Variants in ACAD11 observed in about 807,000 individuals in gnomAD.
ACAD11 encodes the protein acyl-CoA dehydrogenase family member 11, also known as acyl-Coenzyme A dehydrogenase family, member 11.
Under a neutral mutation model 102.2 loss-of-function variants are expected in ACAD11, and 83 were observed. The observed-to-expected ratio is 0.81, with a 90% CI of 0.68 to 0.97. The LOEUF is 0.97. Ranked by LOEUF, ACAD11 falls within the 50% of genes least tolerant of loss-of-function variation. The pLI is 0.00. For synonymous variants in ACAD11, 324 were observed against 319.8 expected (o/e 1.01, Z -0.14); for missense variants, 901 against 951.7 (o/e 0.95, Z 0.70).
At chr3:132,647,055 CT>C (rs1357719888) in intron 1 of ACAD11, 1 of 152,136 alleles carries the variant, frequency 6.6e-6, no homozygotes, top group African/African-American at 2.4e-5. Context: ...GACTTGTACA[CT>C]TTAAAACGGT....
chr3:132,655,426 C>T (rs1937734704), intron 1 of ACAD11, among the ~76,000 whole-genome samples: 1 of 152,192 alleles, frequency 6.6e-6, no homozygotes, highest in South Asian at 2.1e-4. Flanking sequence ...TATTGCCTGA[C>T]AGGGTCCCTG....
rs139923778 is a variant in ACAD11, at chr3:132,649,213, G to A, written c.150-4317C>T. On this transcript the variant is annotated intron_variant, in intron 1 of 19. Transcript: ENST00000264990. ...CTGACCGTCCCCCAGCCCGACACCCGTAGGGGGTCTGTGCTGAGGAGGATT... is the reference window on the plus strand; with the variant it reads ...CTGACCGTCCCCCAGCCCGACACCCATAGGGGGTCTGTGCTGAGGAGGATT... Among the ~76,000 whole-genome samples, 257 of 152,342 alleles carry A rather than the reference G, an allele frequency of 1.7e-3. 1 individual carries two copies. Among genetic ancestry groups the A allele is most frequent in the Non-Finnish European group, 2.5e-3 (171 of 68,026 alleles).
chr3:132,612,281 A>C (rs545101783), intron 11 of ACAD11, among the ~76,000 whole-genome samples: 1 of 152,128 alleles, frequency 6.6e-6, no homozygotes, highest in African/African-American at 2.4e-5. Context: ...CCTAGAAGAA[A>C]ACCTAGGCAA....
In ACAD11 at chr3:132,561,331, A is replaced by G. The variant is rs779200253; in HGVS notation, c.2002-114T>C. On this transcript the variant is annotated intron_variant, in intron 17 of 19. Coordinates refer to ENST00000264990, the MANE Select transcript of ACAD11 (RefSeq NM_032169.5). Reference sequence around the variant, plus strand: ...ACACTCTCTAAGCCAGAGATTGTTCACAAGCTTTACTCTATGTATTTTTAA... The same window carrying G: ...ACACTCTCTAAGCCAGAGATTGTTCGCAAGCTTTACTCTATGTATTTTTAA... 9 of 768,692 alleles carry G rather than the reference A, an allele frequency of 1.2e-5. No individual in the cohort carries two copies. In the South Asian group the frequency reaches 1.3e-4, roughly 11 times the overall value. The allele number at this position is 768,692 out of a possible 1,614,324, so 47.6% of individuals were successfully genotyped here.
At chr3:132,614,816 T>C (rs908110619) in intron 11 of ACAD11, among the ~76,000 whole-genome samples, 1 of 152,052 alleles carries the variant, frequency 6.6e-6, no homozygotes, top group Non-Finnish European at 1.5e-5. Context: ...AAAGCCAAAA[T>C]AGACAAATAG....
intron 9 of ACAD11, among the ~76,000 whole-genome samples, chr3:132,625,252 G>A (rs955211920): frequency 6.6e-6 from 1 of 151,964 alleles, no homozygotes; most frequent in Non-Finnish European, 1.5e-5. Flanking sequence ...ATTATTCTAG[G>A]GGCTAATCCA....
chr3:132,652,351 T>G (rs892694047), intron 1 of ACAD11, among the ~76,000 whole-genome samples: 1 of 152,212 alleles, frequency 6.6e-6, no homozygotes, highest in Admixed American at 6.5e-5. Flanking sequence ...GAACTGTGAG[T>G]CCATTAAACC....
chr3:132,579,288 G>T, intron 14 of ACAD11: 1 of 619,680 alleles, frequency 1.6e-6, no homozygotes, highest in South Asian at 2.3e-5. Context: ...ATTCCACAGC[G>T]AAGAATGTTC....
chr3:132,582,967 A>C (rs997680748), intron 13 of ACAD11, among the ~76,000 whole-genome samples: 2 of 152,118 alleles, frequency 1.3e-5, no homozygotes, highest in African/African-American at 2.4e-5. Flanking sequence ...TTTTAACAAC[A>C]TGCATTACAT....
chr3:132,618,453 A>G lies in ACAD11; in HGVS notation c.1414+181T>C, dbSNP rs79955623. The G allele has an allele frequency of 1.6e-3, 963 of 590,816 alleles. 12 individuals are homozygous for G. Among genetic ancestry groups the G allele is most frequent in the African/African-American group, 0.016 (806 of 51,218 alleles). The allele number at this position is 590,816 out of a possible 1,614,324, so 36.6% of individuals were successfully genotyped here. On this transcript the variant is annotated intron_variant, in intron 11 of 19. Coordinates refer to ENST00000264990, the MANE Select transcript of ACAD11 (RefSeq NM_032169.5). ...AATTGTAATGATATTTAACAAAAGA[A>G]TAGTCCAATGAAAATTTCAAATCCA... is the stretch of plus-strand genomic sequence containing the variant.
Position 132,631,475 on chromosome 3 carries a change from C to A in ACAD11, c.707G>T (p.Arg236Leu). The change falls in exon 6 of 20, where the codon CGA becomes CTA. Residue 236 changes from arginine to leucine, a missense_variant. By Grantham distance (102) the Arg-to-Leu change is moderately radical. Transcript: ENST00000264990. ...CTCCCAATCCAGCACTGCTATAACT[C>A]GACACTGTAATTAAAAATAAAGAGG... ...DNIVFHPKEC[R>L]VIAVLDWELS... 6.8e-7 allele frequency: 1 copy of A among 1,469,762 alleles called. No individual in the cohort carries two copies. 91.0% of individuals were successfully genotyped at this position (1,469,762 alleles called of 1,614,324 possible).
rs745467475 is a variant in ACAD11 at position 132,559,872 on chromosome 3, C to T, written c.2189G>A (p.Gly730Glu). The T allele has an allele frequency of 1.9e-6, 3 of 1,613,706 alleles. No homozygotes were observed. The highest frequency in any genetic ancestry group is 1.6e-4 in the Middle Eastern group (1 of 6,062). Residue 730 changes from glycine to glutamate, a missense_variant, in exon 19 of 20, where the codon GGA becomes GAA. By Grantham distance (98) the Gly-to-Glu change is moderately conservative. Transcript: ENST00000264990. ...GTAATCCTGGGAAACACCAGCACCT[C>T]CGCACACCTGGATGGCCCAGTCAAC... ...KIVDWAIQVC[G>E]GAGVSQDYPL...
chr3:132,653,116 T>C (rs1937615878), intron 1 of ACAD11, among the ~76,000 whole-genome samples: 1 of 152,144 alleles, frequency 6.6e-6, no homozygotes, highest in African/African-American at 2.4e-5. Flanking sequence ...TACTGAAATA[T>C]CTATTCTTGC....
chr3:132,631,377 G>A lies in ACAD11; in HGVS notation c.805C>T (p.Pro269Ser), dbSNP rs758169571. The change falls in exon 6 of 20, where the codon CCA becomes TCA. Residue 269 changes from proline to serine, a missense_variant. Physicochemically the swap from Pro to Ser is moderately conservative, Grantham distance 74. Coordinates refer to ENST00000264990, the MANE Select transcript of ACAD11 (RefSeq NM_032169.5). ...CTATAAGAACCTTGATTTATCATTG[G>A]AACTGTCCTTGGCCAAAAGTAGAAC... ...SLFYFWPRTVPMINQGSYSEN... is the reference protein window; with the variant it reads ...SLFYFWPRTVSMINQGSYSEN... The A allele has an allele frequency of 6.5e-7, 1 of 1,540,060 alleles. No individual in the cohort carries two copies. The highest frequency in any genetic ancestry group is 8.8e-7 in the Non-Finnish European group (1 of 1,140,654).
chr3:132,568,595 G>T (rs1448393892), intron 17 of ACAD11, among the ~76,000 whole-genome samples: 1 of 152,146 alleles, frequency 6.6e-6, no homozygotes, highest in African/African-American at 2.4e-5. Flanking sequence ...TAGCTTATTT[G>T]AAGACTGACT....
At chr3:132,582,336 T>C (rs1937614764) in intron 13 of ACAD11, among the ~76,000 whole-genome samples, 1 of 131,726 alleles carries the variant, frequency 7.6e-6, no homozygotes, top group South Asian at 2.5e-4. Flanking sequence ...AAACAGAAAC[T>C]GTTAAAAAAA....
chr3:132,575,778 A>G lies in ACAD11; in HGVS notation c.1995T>C (p.Tyr665=), dbSNP rs756669115. The G allele has an allele frequency of 1.2e-6, 2 of 1,614,048 alleles. No individual in the cohort carries two copies. The highest frequency in any genetic ancestry group is 1.7e-6 in the Non-Finnish European group (2 of 1,179,972). Residue 665 remains tyrosine, a synonymous_variant, in exon 17 of 20, where the codon TAT becomes TAC. Coordinates refer to ENST00000264990, the MANE Select transcript of ACAD11 (RefSeq NM_032169.5). The part of the protein sequence containing the change: ...TQRIAFKKKL[Y]AHEVVAHWIA... Reference sequence around the variant, plus strand: ...AATAAGTAATCGTCCTCACATGTGCATACAACTTCTTCTTGAAAGCTATCC... The same window carrying G: ...AATAAGTAATCGTCCTCACATGTGCGTACAACTTCTTCTTGAAAGCTATCC...
rs1940397983 is a variant in ACAD11, at chr3:132,639,422, G to C, written c.702+70C>G. The C allele has an allele frequency of 4.1e-6, 6 of 1,459,220 alleles. No individual in the cohort carries two copies. The Middle Eastern group carries it at 7.4e-4, about 181-fold the overall frequency. 90.4% of individuals were successfully genotyped at this position (1,459,220 alleles called of 1,614,324 possible). A position where few individuals can be genotyped will look rare whatever the true frequency, so the allele number is the denominator to read the frequency against. On this transcript the variant is annotated intron_variant, in intron 5 of 19. Transcript: ENST00000264990. ...GGTTGGGCTCCCTCAGTGCTCTGGG[G>C]GGAGCATTTACTTAGTACTGTGTCA...
intron 15 of ACAD11, among the ~76,000 whole-genome samples, chr3:132,577,882 G>A (rs1459226695): frequency 2.6e-5 from 4 of 152,098 alleles, no homozygotes; most frequent in African/African-American, 9.7e-5. Flanking sequence ...CGGCCGTTTC[G>A]CTGCAACCCA....
Sources: allele counts gnomAD v4.1 joint callset (sites outside exome capture counted in the v4.1 genomes callset), GRCh38; gene constraint gnomAD v4.1.1; transcripts MANE v1.5; gene names NCBI Gene and HGNC (gene_info 2026-07-23, HGNC 2026-07-21).